Variants in CNIH3 observed in about 807,000 individuals in gnomAD.
CNIH3 encodes protein cornichon homolog 3.
Under a neutral mutation model 24.1 loss-of-function variants are expected in CNIH3, and 14 were observed. The ratio of observed to expected loss-of-function variants is 0.58; its 90% CI spans 0.38 to 0.91. The LOEUF is 0.91. CNIH3 is among the 40% of genes least tolerant of loss of function. The pLI is 0.00. For missense variants in CNIH3, 178 were observed against 196.8 expected, an observed-to-expected ratio of 0.90 and a Z score of 0.57; for synonymous variants, 68 against 73.8, an observed-to-expected ratio of 0.92 and a Z score of 0.40.
rs1678651134 is a variant in CNIH3 at position 224,521,922 on chromosome 1, T to C, written n.343+595T>C. On this transcript the variant is annotated intron_variant and non_coding_transcript_variant, in intron 2 of 2. Coordinates refer to the CNIH3 transcript ENST00000470602. ...ACAGGAATGGTACCTAGCAATGGAG[T>C]GTTACAAGTAATAGACCCTAAAATG... Among the ~76,000 whole-genome samples the C allele has an allele frequency of 2.0e-5, 3 of 152,058 alleles. No homozygotes were observed. The South Asian group carries it at 6.2e-4, about 32-fold the overall frequency.
At chr1:224,512,254 C>A (rs529984827), upstream of CNIH3, among the ~76,000 whole-genome samples, 3 of 150,930 alleles carry the variant, frequency 2.0e-5, no homozygotes, top group South Asian at 6.3e-4. Flanking sequence ...GAGGCCAAGG[C>A]AGAGGATCGC....
intron 1 of CNIH3, among the ~76,000 whole-genome samples, chr1:224,629,501 C>T (rs1397919093): frequency 2.0e-5 from 3 of 152,110 alleles, no homozygotes; most frequent in Non-Finnish European, 2.9e-5. Flanking sequence ...TTTCTGTCGA[C>T]AGTTCCGTTG....
chr1:224,437,247 A>G (rs1369935263), intron 1 of CNIH3, among the ~76,000 whole-genome samples: 1 of 152,218 alleles, frequency 6.6e-6, no homozygotes, highest in Non-Finnish European at 1.5e-5. Context: ...GAAAAAAGAA[A>G]TCAAGTGTGT....
chr1:224,646,138 C>T lies in CNIH3; in HGVS notation c.81+28883C>T, dbSNP rs111886575. ...CTAAGATAGTAACTCTAACGTAAGA[C>T]AGCAGAGGTTTTCAGTGGAGGTTCA... On this transcript the variant is annotated intron_variant, in intron 1 of 5. Transcript: ENST00000272133. 8.6e-3 allele frequency among the ~76,000 whole-genome samples: 935 copies of T among 108,494 alleles called. 2 individuals are homozygous for T. The highest frequency in any genetic ancestry group is 0.013 in the Non-Finnish European group (725 of 54,638). 71.2% of individuals were successfully genotyped at this position (108,494 alleles called of 152,430 possible).
At chr1:224,586,882 G>A (rs1681533358) in intron 5 of CNIH3, among the ~76,000 whole-genome samples, 1 of 152,208 alleles carries the variant, frequency 6.6e-6, no homozygotes, top group African/African-American at 2.4e-5. Flanking sequence ...GAGGAAACTG[G>A]AGAGCTGCTA....
At chr1:224,713,608 A>G (rs1688273342) in intron 3 of CNIH3, among the ~76,000 whole-genome samples, 1 of 152,226 alleles carries the variant, frequency 6.6e-6, no homozygotes, top group Non-Finnish European at 1.5e-5. Flanking sequence ...TGATAATGTA[A>G]TAAAACACCA....
intron 1 of CNIH3, among the ~76,000 whole-genome samples, chr1:224,494,903 G>T (rs1677372834): frequency 6.6e-6 from 1 of 152,148 alleles, no homozygotes; most frequent in Non-Finnish European, 1.5e-5. Flanking sequence ...TTTGAAAGTG[G>T]CTTGCTTTCT....
At chr1:224,668,595 G>T (rs1040381756) in intron 1 of CNIH3, among the ~76,000 whole-genome samples, 4 of 152,178 alleles carry the variant, frequency 2.6e-5, no homozygotes, top group African/African-American at 7.2e-5. Flanking sequence ...CCAAAGCTGG[G>T]CTAGGCTGGC....
intron 3 of CNIH3, chr1:224,730,207 A>G (rs1039552231): frequency 8.2e-6 from 3 of 364,956 alleles, no homozygotes; most frequent in Non-Finnish European, 1.0e-5. Context: ...CAAGCGTGGT[A>G]TTCTGTTAAT....
chr1:224,623,190 C>G (rs910931747), intron 1 of CNIH3, among the ~76,000 whole-genome samples: 1 of 152,126 alleles, frequency 6.6e-6, no homozygotes, highest in Non-Finnish European at 1.5e-5. Flanking sequence ...ACTCTGCTGC[C>G]CCAGGGGCTC....
intron 1 of CNIH3, among the ~76,000 whole-genome samples, chr1:224,627,522 C>G (rs1225063394): frequency 1.3e-5 from 2 of 152,186 alleles, no homozygotes; most frequent in Non-Finnish European, 2.9e-5. Context: ...CCGCACCTGG[C>G]CTGTGGGTCT....
intron 1 of CNIH3, among the ~76,000 whole-genome samples, chr1:224,645,528 C>T (rs926580733): frequency 6.6e-6 from 1 of 152,248 alleles, no homozygotes; most frequent in African/African-American, 2.4e-5. Flanking sequence ...CGCAGCTCCC[C>T]ATCACGTGGT....
At chr1:224,716,915 C>T (rs1688461301) in intron 3 of CNIH3, among the ~76,000 whole-genome samples, 1 of 152,204 alleles carries the variant, frequency 6.6e-6, no homozygotes. Flanking sequence ...CCCACTTCTG[C>T]CACTGGAGAA....
intron 3 of CNIH3, among the ~76,000 whole-genome samples, chr1:224,559,049 A>G (rs1680258178): frequency 6.6e-6 from 1 of 152,212 alleles, no homozygotes; most frequent in South Asian, 2.1e-4. Flanking sequence ...CTGGTACCTA[A>G]AGTACGTTGG....
At chr1:224,450,304 A>C (rs1406841854) in intron 1 of CNIH3, among the ~76,000 whole-genome samples, 1 of 152,214 alleles carries the variant, frequency 6.6e-6, no homozygotes. Flanking sequence ...AAGAAACAGG[A>C]AATGTATCAG....
upstream of CNIH3, among the ~76,000 whole-genome samples, chr1:224,611,880 C>A (rs190188577): frequency 3.3e-5 from 5 of 152,300 alleles, no homozygotes; most frequent in African/African-American, 1.2e-4. Context: ...TCCCTGACAG[C>A]GCCCAGAACT....
intron 1 of CNIH3, among the ~76,000 whole-genome samples, chr1:224,451,025 C>A (rs1459744473): frequency 1.3e-5 from 2 of 152,194 alleles, no homozygotes; most frequent in East Asian, 3.8e-4. Context: ...TTTTCTATTT[C>A]CTTTCTGTGC....
chr1:224,524,482 A>G (rs902448846), intron 2 of CNIH3, among the ~76,000 whole-genome samples: 1 of 152,220 alleles, frequency 6.6e-6, no homozygotes, highest in East Asian at 1.9e-4. Context: ...ATGAATTGCT[A>G]TATACAGATC....
chr1:224,737,664 G>T (rs1031487144), intron 5 of CNIH3, among the ~76,000 whole-genome samples: 1 of 152,176 alleles, frequency 6.6e-6, no homozygotes, highest in East Asian at 1.9e-4. Flanking sequence ...ACACAACAGC[G>T]GGGAAGACGG....
Sources: allele counts gnomAD v4.1 joint callset (sites outside exome capture counted in the v4.1 genomes callset), GRCh38; gene constraint gnomAD v4.1.1; transcripts MANE v1.5; gene names NCBI Gene and HGNC (gene_info 2026-07-23, HGNC 2026-07-21).